Variants in WBP1L observed in about 807,000 individuals in gnomAD.
The protein encoded by WBP1L is WW domain binding protein 1 like.
Under a neutral mutation model 33.7 loss-of-function variants are expected in WBP1L, and 17 were observed. The observed-to-expected ratio is 0.50, with a 90% CI of 0.34 to 0.76. The LOEUF is 0.76. Ranked by LOEUF, WBP1L falls within the 30% of genes least tolerant of loss-of-function variation. WBP1L has a pLI of 0.01. For missense variants in WBP1L, 389 were observed against 469.4 expected, an observed-to-expected ratio of 0.83 and a Z score of 1.58; for synonymous variants, 173 against 190.8, an observed-to-expected ratio of 0.91 and a Z score of 0.77.
chr10:102,813,869 A>G lies in WBP1L; in HGVS notation c.*538A>G, dbSNP rs150576265. 9.5e-4 allele frequency: 147 copies of G among 155,152 alleles called. No homozygotes were observed. Among genetic ancestry groups the G allele is most frequent in the Non-Finnish European group, 1.7e-3 (119 of 69,972 alleles). 9.6% of individuals were successfully genotyped at this position (155,152 alleles called of 1,614,324 possible). On this transcript the variant is annotated 3_prime_UTR_variant, in exon 4 of 4. Transcript: ENST00000448841. ...AGCATTGAGCTAATCCTGTGGGAGG[A>G]TGAGAGCTACTGGGCCGTTGTATGA...
intron 1 of WBP1L, among the ~76,000 whole-genome samples, chr10:102,761,270 G>C (rs1029005394): frequency 1.3e-5 from 2 of 151,574 alleles, no homozygotes; most frequent in African/African-American, 2.4e-5. Context: ...CTCTCAAGTA[G>C]CTGGGATTAC....
chr10:102,749,761 C>T (rs1256289790), intron 1 of WBP1L, among the ~76,000 whole-genome samples: 1 of 151,818 alleles, frequency 6.6e-6, no homozygotes, highest in Non-Finnish European at 1.5e-5. Context: ...TGTTCCTGGC[C>T]CTCCATATTT....
Position 102,793,966 on chromosome 10 carries a change from G to T in WBP1L, c.91-4027G>T, listed in dbSNP as rs1011514033. ...TTATTATTTTTTTGGTTGAGATGGG[G>T]TTTTGCCATGTCCAGGCTGGTCTCA... On this transcript the variant is annotated intron_variant, in intron 1 of 3. Transcript: ENST00000448841. 4.5e-4 allele frequency among the ~76,000 whole-genome samples: 69 copies of T among 152,152 alleles called. 1 individual carries two copies. The highest frequency in any genetic ancestry group is 1.6e-3 in the African/African-American group (68 of 41,526).
chr10:102,776,433 C>T (rs775339742), intron 1 of WBP1L: 46 of 1,613,920 alleles, frequency 2.9e-5, no homozygotes, highest in Admixed American at 6.7e-5. Context: ...TGTTTCTGCA[C>T]GGATCGGGTT....
intron 1 of WBP1L, among the ~76,000 whole-genome samples, chr10:102,779,765 TACA>T (rs1333016543): frequency 3.3e-5 from 5 of 152,180 alleles, no homozygotes; most frequent in Non-Finnish European, 7.4e-5. Flanking sequence ...ATGCTGAGAC[TACA>T]ACAGAGGAAC....
intron 1 of WBP1L, among the ~76,000 whole-genome samples, chr10:102,760,377 T>TTTCTTTC (rs1491543438): frequency 3.5e-5 from 1 of 28,440 alleles, no homozygotes; most frequent in African/African-American, 9.4e-5. Context: ...TCTTTCTTTC[T>TTTCTTTC]TTTTTTTTTT....
intron 1 of WBP1L, chr10:102,776,265 T>C: frequency 1.2e-6 from 2 of 1,600,166 alleles, no homozygotes; most frequent in South Asian, 1.1e-5. Flanking sequence ...TTGTCTGCTT[T>C]GCTAAAGAAG....
intron 1 of WBP1L, among the ~76,000 whole-genome samples, chr10:102,750,787 C>T (rs1012521640): frequency 2.0e-5 from 3 of 152,126 alleles, no homozygotes; most frequent in Non-Finnish European, 4.4e-5. Flanking sequence ...AGGTGTGAGC[C>T]ACCACGCCCG....
chr10:102,780,547 A>C (rs765384697), intron 1 of WBP1L, among the ~76,000 whole-genome samples: 3 of 152,234 alleles, frequency 2.0e-5, no homozygotes, highest in Non-Finnish European at 2.9e-5. Context: ...AACACTCAGC[A>C]TCTGAAAAGT....
chr10:102,766,773 A>G (rs1250343074), intron 1 of WBP1L, among the ~76,000 whole-genome samples: 1 of 152,050 alleles, frequency 6.6e-6, no homozygotes, highest in Non-Finnish European at 1.5e-5. Flanking sequence ...CGGAGGTTGC[A>G]GTGAGCCGAG....
intron 1 of WBP1L, among the ~76,000 whole-genome samples, chr10:102,752,437 A>G (rs1842933323): frequency 6.6e-6 from 1 of 152,138 alleles, no homozygotes; most frequent in African/African-American, 2.4e-5. Context: ...TTGTTGATGT[A>G]TGTGGTCAGT....
chr10:102,782,113 C>G (rs1186118942), intron 1 of WBP1L, among the ~76,000 whole-genome samples: 1 of 151,926 alleles, frequency 6.6e-6, no homozygotes, highest in African/African-American at 2.4e-5. Flanking sequence ...GGTGATGCAC[C>G]TGCCACGGCC....
chr10:102,765,599 C>CT (rs1416444538), intron 1 of WBP1L, among the ~76,000 whole-genome samples: 2 of 152,116 alleles, frequency 1.3e-5, no homozygotes, highest in Non-Finnish European at 2.9e-5. Context: ...TGAGGGCCTG[C>CT]TTTGTGCAAG....
chr10:102,798,738 C>A (rs1843608723), intron 2 of WBP1L, among the ~76,000 whole-genome samples: 1 of 152,172 alleles, frequency 6.6e-6, no homozygotes. Context: ...GCTGTTTTTG[C>A]AGAGAGAGGT....
intron 1 of WBP1L, among the ~76,000 whole-genome samples, chr10:102,790,758 G>C (rs147277613): frequency 6.6e-6 from 1 of 151,962 alleles, no homozygotes; most frequent in Non-Finnish European, 1.5e-5. Flanking sequence ...TCATCCGCCC[G>C]CCTCAGCCTC....
chr10:102,756,697 G>A (rs1842981591), intron 1 of WBP1L, among the ~76,000 whole-genome samples: 2 of 151,980 alleles, frequency 1.3e-5, no homozygotes, highest in Admixed American at 1.3e-4. Flanking sequence ...GTGGTTATAG[G>A]GTATGCACAT....
chr10:102,757,852 C>T (rs1250149463), intron 1 of WBP1L, among the ~76,000 whole-genome samples: 3 of 138,250 alleles, frequency 2.2e-5, no homozygotes, highest in African/African-American at 5.3e-5. Flanking sequence ...GCTGGGATTA[C>T]AGCATGAGCC....
intron 1 of WBP1L, among the ~76,000 whole-genome samples, chr10:102,752,489 C>T (rs898290551): frequency 4.6e-5 from 7 of 152,146 alleles, no homozygotes; most frequent in Non-Finnish European, 8.8e-5. Context: ...TTTGAAAACA[C>T]GTTTTTTTGA....
chr10:102,803,691 C>T (rs1354118974), intron 2 of WBP1L, among the ~76,000 whole-genome samples: 13 of 151,280 alleles, frequency 8.6e-5, no homozygotes, highest in Non-Finnish European at 1.5e-4. Context: ...TCACTGCAAG[C>T]TCCGCCTCCC....
Sources: allele counts gnomAD v4.1 joint callset (sites outside exome capture counted in the v4.1 genomes callset), GRCh38; gene constraint gnomAD v4.1.1; transcripts MANE v1.5; gene names NCBI Gene and HGNC (gene_info 2026-07-23, HGNC 2026-07-21).